The following TBC1D14 variants were observed in gnomAD, a reference collection of about 807,000 sequenced individuals.
TBC1D14 encodes TBC1 domain family, member 14.
TBC1D14 carries 26 observed loss-of-function variants against 79.0 expected under a neutral mutation model. That is an observed-to-expected ratio of 0.33 (90% CI 0.24 to 0.46). The LOEUF is 0.46. Ranked by LOEUF, TBC1D14 falls within the 20% of genes least tolerant of loss-of-function variation. The pLI, the probability that TBC1D14 is intolerant of heterozygous loss-of-function variation, is 1.00. For synonymous variants in TBC1D14, 394 were observed against 349.9 expected (o/e 1.13, Z -1.40); for missense variants, 769 against 887.6 (o/e 0.87, Z 1.70).
At chr4:7,013,575 C>T (rs756066191) in intron 11 of TBC1D14, among the ~76,000 whole-genome samples, 11 of 152,228 alleles carry the variant, frequency 7.2e-5, no homozygotes, top group Non-Finnish European at 1.3e-4. Context: ...CCATAAACTA[C>T]GGGCTGTAAC....
At chr4:6,991,808 G>T (rs1269969480) in intron 3 of TBC1D14, among the ~76,000 whole-genome samples, 1 of 152,202 alleles carries the variant, frequency 6.6e-6, no homozygotes, top group Non-Finnish European at 1.5e-5. Context: ...ACTCAGAGGT[G>T]CTGGGCTTGT....
intron 2 of TBC1D14, among the ~76,000 whole-genome samples, chr4:6,959,714 C>T (rs1423086924): frequency 6.6e-6 from 1 of 152,196 alleles, no homozygotes; most frequent in African/African-American, 2.4e-5. Context: ...TTTTATGTCT[C>T]TTCCAAAGGC....
intron 3 of TBC1D14, among the ~76,000 whole-genome samples, chr4:6,974,476 A>G (rs1278988142): frequency 6.6e-6 from 1 of 152,256 alleles, no homozygotes; most frequent in South Asian, 2.1e-4. Context: ...ACTTCTCGTC[A>G]TGTTGTGGGT....
intron 2 of TBC1D14, among the ~76,000 whole-genome samples, chr4:6,930,754 T>C (rs1711645037): frequency 6.7e-6 from 1 of 148,172 alleles, no homozygotes. Flanking sequence ...ACTGAGATAG[T>C]GCCATTGCAC....
chr4:6,928,427 G>C (rs1724455483), intron 2 of TBC1D14, among the ~76,000 whole-genome samples: 2 of 152,340 alleles, frequency 1.3e-5, no homozygotes, highest in South Asian at 4.1e-4. Flanking sequence ...ACCCAAGTTT[G>C]AACCTCAGTT....
chr4:7,026,070 A>C (rs923320066), intron 13 of TBC1D14, among the ~76,000 whole-genome samples: 4 of 151,978 alleles, frequency 2.6e-5, no homozygotes. Context: ...TCGCTCTGTC[A>C]TCCAGGCTGG....
rs181538600 is a variant in TBC1D14 at position 7,031,791 on chromosome 4, A to G, written c.*1399A>G. ...ACGGCCCTTCTCAGCCACACTTCCCACCCCAGGGGGTGCCCCCAGGCTGAT... is the reference window on the plus strand; with the variant it reads ...ACGGCCCTTCTCAGCCACACTTCCCGCCCCAGGGGGTGCCCCCAGGCTGAT... On this transcript the variant is annotated 3_prime_UTR_variant, in exon 14 of 14. Coordinates refer to ENST00000409757, the MANE Select transcript of TBC1D14 (RefSeq NM_020773.3). The G allele has an allele frequency of 6.6e-6, 1 of 152,196 alleles. No individual in the cohort carries two copies. The highest frequency in any genetic ancestry group is 1.5e-5 in the Non-Finnish European group (1 of 68,150). 9.4% of individuals were successfully genotyped at this position (152,196 alleles called of 1,614,324 possible).
intron 2 of TBC1D14, among the ~76,000 whole-genome samples, chr4:6,951,515 A>C (rs1382633777): frequency 6.6e-6 from 1 of 152,192 alleles, no homozygotes; most frequent in Non-Finnish European, 1.5e-5. Context: ...ACAACAAAAA[A>C]ATTAAAAAGG....
At chr4:6,957,155 C>G (rs531966265) in intron 2 of TBC1D14, among the ~76,000 whole-genome samples, 5 of 152,216 alleles carry the variant, frequency 3.3e-5, no homozygotes, top group Non-Finnish European at 7.3e-5. Flanking sequence ...GTAGCCTGCA[C>G]TGGGAAACTA....
intron 1 of TBC1D14, among the ~76,000 whole-genome samples, chr4:6,919,583 G>T (rs1413074970): frequency 6.6e-6 from 1 of 151,934 alleles, no homozygotes; most frequent in Non-Finnish European, 1.5e-5. Flanking sequence ...TTTACTCACT[G>T]GGTCGTATTT....
At chr4:6,917,976 T>C (rs894035176) in intron 1 of TBC1D14, among the ~76,000 whole-genome samples, 9 of 152,178 alleles carry the variant, frequency 5.9e-5, no homozygotes, top group African/African-American at 2.2e-4. Context: ...TTAGGTTTAT[T>C]TCCCTGAAAA....
chr4:7,002,664 C>A (rs147599304), intron 7 of TBC1D14, among the ~76,000 whole-genome samples: 1 of 152,316 alleles, frequency 6.6e-6, no homozygotes, highest in African/African-American at 2.4e-5. Flanking sequence ...GCTGTGCTCT[C>A]TACCTTTTCA....
intron 2 of TBC1D14, among the ~76,000 whole-genome samples, chr4:6,930,762 C>T (rs897119658): frequency 1.9e-4 from 28 of 149,558 alleles, no homozygotes; most frequent in African/African-American, 6.7e-4. Flanking sequence ...AGTGCCATTG[C>T]ACTCCAGGCT....
chr4:6,932,950 C>G (rs1214183018), intron 2 of TBC1D14, among the ~76,000 whole-genome samples: 1 of 152,110 alleles, frequency 6.6e-6, no homozygotes, highest in Non-Finnish European at 1.5e-5. Context: ...GTGTCCCCGT[C>G]CCAGTCTTGG....
chr4:7,003,925 G>T (rs1719921822), intron 7 of TBC1D14, among the ~76,000 whole-genome samples: 1 of 152,088 alleles, frequency 6.6e-6, no homozygotes, highest in African/African-American at 2.4e-5. Flanking sequence ...AATTGAGATT[G>T]AATCTGGGAG....
At chr4:6,961,820 G>C (rs1715230280) in intron 2 of TBC1D14, among the ~76,000 whole-genome samples, 1 of 152,164 alleles carries the variant, frequency 6.6e-6, no homozygotes, top group Non-Finnish European at 1.5e-5. Flanking sequence ...CTGTCTGCAG[G>C]GTGTATGCAG....
chr4:7,018,860 C>T (rs928010950), intron 12 of TBC1D14, among the ~76,000 whole-genome samples: 13 of 152,202 alleles, frequency 8.5e-5, no homozygotes, highest in African/African-American at 2.9e-4. Context: ...TTCCCATTGC[C>T]GGCCAGTGGC....
chr4:7,017,626 G>A (rs957053775), intron 12 of TBC1D14, among the ~76,000 whole-genome samples: 1 of 152,218 alleles, frequency 6.6e-6, no homozygotes, highest in Non-Finnish European at 1.5e-5. Context: ...TGTGCTGTGA[G>A]CTGGTTGGTG....
chr4:6,935,608 A>C (rs11930747), intron 2 of TBC1D14, among the ~76,000 whole-genome samples: 1 of 150,072 alleles, frequency 6.7e-6, no homozygotes, highest in African/African-American at 2.5e-5. Context: ...CTTGTAGTCT[A>C]TTGTTTGTAG....
Sources: allele counts gnomAD v4.1 joint callset (sites outside exome capture counted in the v4.1 genomes callset), GRCh38; gene constraint gnomAD v4.1.1; transcripts MANE v1.5; gene names NCBI Gene and HGNC (gene_info 2026-07-23, HGNC 2026-07-21).